FGA: variants seen among roughly 807,000 people sequenced by gnomAD.
The protein encoded by FGA is fibrinogen, A alpha polypeptide.
Under a neutral mutation model 20.3 loss-of-function variants are expected in FGA, and 20 were observed. The observed-to-expected ratio is 0.99, with a 90% CI of 0.69 to 1.43. The LOEUF (loss-of-function observed/expected upper bound fraction) is 1.43, where lower values mean the gene tolerates loss of function less well. FGA is among the 40% of genes most tolerant of loss of function. The pLI is 0.00. For missense variants in FGA, 777 were observed against 784.7 expected (o/e 0.99, Z 0.12); for synonymous variants, 306 against 281.6 (o/e 1.09, Z -0.87).
rs373577582 is a variant in FGA, at chr4:154,586,130, C to T, written c.1299G>A (p.Leu433=). 2 of 1,614,028 alleles carry T rather than the reference C, an allele frequency of 1.2e-6. No homozygotes were observed. The highest frequency in any genetic ancestry group is 2.7e-5 in the African/African-American group (2 of 74,922). The stretch of plus-strand genomic sequence containing the variant: ...GCTCTTTATCTCCTTTAGAAGTGAC[C>T]AGTTTTTCTGTGTGGTACTCTCTCC... ...GTRREYHTEK[L]VTSKGDKELR... is the part of the protein sequence containing the mutation. Residue 433 remains leucine, a synonymous_variant, in exon 5 of 5, where the codon CTG becomes CTA. Transcript: ENST00000403106.
chr4:154,588,661 A>G, intron 3 of FGA, 132 bp downstream of exon 3: 1 of 700,948 alleles, frequency 1.4e-6, no homozygotes, highest in Non-Finnish European at 2.5e-6. Flanking sequence ...TTTCAGGGAT[A>G]TTATGAAGGT....
At position 154,586,806 on chromosome 4, in the gene FGA, A is replaced by G; in HGVS notation, c.623T>C (p.Ile208Thr). ...TCTAGAGGGAAGTAAGTCTTTGGCA[A>G]TGACCTGTTCAAGTTGCTTCTGCTG... ...EDQQKQLEQVIAKDLLPSRDR... is the reference protein window; with the variant it reads ...EDQQKQLEQVTAKDLLPSRDR... Residue 208 changes from isoleucine (I) to threonine (T), a missense_variant, in exon 5 of 5, where the codon ATT (isoleucine) becomes ACT (threonine). By Grantham distance (89) the Ile-to-Thr change is moderately conservative. Transcript: ENST00000403106. 2 of 1,614,178 alleles carry G rather than the reference A, an allele frequency of 1.2e-6. No homozygotes were observed. The highest frequency in any genetic ancestry group is 1.7e-6 in the Non-Finnish European group (2 of 1,180,036).
intron 1 of FGA, 127 bp downstream of exon 1, chr4:154,590,507 C>T (rs2110822038): frequency 1.2e-6 from 1 of 818,424 alleles, no homozygotes; most frequent in Non-Finnish European, 2.1e-6. Context: ...AGGAAATTTC[C>T]TCCCAGGCCT....
chr4:154,588,863 G>A lies in FGA; in HGVS notation c.294C>T (p.Asn98=), dbSNP rs1730800631. Residue 98 remains asparagine, a synonymous_variant, in exon 3 of 5, where the codon AAC becomes AAT. Transcript: ENST00000403106. The part of the protein sequence containing the change: ...LKNSLFEYQK[N]NKDSHSLTTN... ...TGGTCAACGAATGAGAATCCTTATT[G>A]TTCTTCTGATATTCAAATAGTGAAT... 6.2e-7 allele frequency: 1 copy of A among 1,611,760 alleles called. No homozygotes were observed. Among genetic ancestry groups the A allele is most frequent in the African/African-American group, 1.3e-5 (1 of 74,936 alleles).
At position 154,586,065 on chromosome 4, in the gene FGA, G is replaced by C. The variant is rs1578795492; in HGVS notation, c.1364C>G (p.Thr455Ser). Reference protein sequence around the residue: ...GKEKVTSGSTTTTRRSCSKTV... With the variant: ...GKEKVTSGSTSTTRRSCSKTV... The stretch of plus-strand genomic sequence containing the variant: ...TTTAGAGCATGAACGACGCGTGGTG[G>C]TTGTGCTACCAGAGGTGACCTTCTC... Residue 455 changes from threonine to serine, a missense_variant, in exon 5 of 5, where the codon ACC becomes AGC. Coordinates refer to ENST00000403106, the MANE Select transcript of FGA (RefSeq NM_021871.4). 6.2e-7 allele frequency: 1 copy of C among 1,614,160 alleles called. No homozygotes were observed. Among genetic ancestry groups the C allele is most frequent in the Non-Finnish European group, 8.5e-7 (1 of 1,180,012 alleles).
Position 154,588,965 on chromosome 4 carries a change from G to A in FGA, c.192C>T (p.Cys64=). 6.2e-7 allele frequency: 1 copy of A among 1,612,870 alleles called. No individual in the cohort carries two copies. Residue 64 remains cysteine (C), a synonymous_variant, in exon 3 of 5, where the codon TGC becomes TGT. Transcript: ENST00000403106. ...ACCCTTTCATCCTGCAGCCAGAAGGGCATTTGTAGTTCTGAAAGTGAAGGG... is the reference window on the plus strand; with the variant it reads ...ACCCTTTCATCCTGCAGCCAGAAGGACATTTGTAGTTCTGAAAGTGAAGGG... The part of the protein sequence containing the change: ...FCSDEDWNYK[C]PSGCRMKGLI...
downstream of FGA, chr4:154,583,530 T>C (rs910193280): frequency 1.3e-5 from 2 of 152,298 alleles, no homozygotes; most frequent in African/African-American, 4.8e-5. Flanking sequence ...CAACGTCTAG[T>C]GGAAGAGTTT....
At chr4:154,583,529 G>C (rs1730636077), downstream of FGA, 1 of 152,262 alleles carries the variant, frequency 6.6e-6, no homozygotes, top group African/African-American at 2.4e-5. Flanking sequence ...ACAACGTCTA[G>C]TGGAAGAGTT....
chr4:154,590,609 G>T, intron 1 of FGA, 25 bp downstream of exon 1: 1 of 1,542,438 alleles, frequency 6.5e-7, no homozygotes, highest in Non-Finnish European at 8.8e-7. Flanking sequence ...GAGAAAGCAA[G>T]AAGAAAAAAT....
At position 154,587,505 on chromosome 4, in the gene FGA, T is replaced by C. The variant is rs1313001210; in HGVS notation, c.510+7A>G. On this transcript the variant is annotated splice_region_variant and intron_variant, in intron 4 of 4. Transcript: ENST00000403106. ...AAGGACATCTGGGACCACAGCCACA[T>C]ACTTACCTCCAGTCGTTTCATATCA... The C allele has an allele frequency of 5.0e-6, 8 of 1,613,744 alleles. No homozygotes were observed. Among genetic ancestry groups the C allele is most frequent in the Non-Finnish European group, 5.9e-6 (7 of 1,179,742 alleles).
rs777049670 is a variant in FGA at position 154,586,580 on chromosome 4, C to A, written c.849G>T (p.Thr283=). ...CACTGCTAGGGTTCCTGGGGCTTTC[C>A]GTCTCTGATCCGGTTCCATAAGAGG... The part of the protein sequence containing the change: ...GSTSYGTGSE[T]ESPRNPSSAG... Residue 283 remains threonine, a synonymous_variant, in exon 5 of 5, where the codon ACG becomes ACT. Transcript: ENST00000403106. 1.2e-6 allele frequency: 2 copies of A among 1,613,968 alleles called. No homozygotes were observed. Among genetic ancestry groups the A allele is most frequent in the South Asian group, 1.1e-5 (1 of 91,072 alleles).
At chr4:154,584,964 C>G, downstream of FGA, 1 of 813,648 alleles carries the variant, frequency 1.2e-6, no homozygotes, top group Non-Finnish European at 2.0e-6. Context: ...TTCCTTCCCT[C>G]CATAGGGAAA....
chr4:154,587,798 AGAAAGAGAAAAAAG>A, intron 3 of FGA, 141 bp from the exon 4 acceptor site: 6 of 749,648 alleles, frequency 8.0e-6, no homozygotes, highest in South Asian at 1.6e-5. Context: ...AAAGAAAGAA[AGAAAGAGAAAAAAG>A]AAAGAAAGAA....
In FGA at chr4:154,586,267, A is replaced by G. The variant is rs1465641292; in HGVS notation, c.1162T>C (p.Ser388Pro). ...TCTGGCCTAAAACTTCCAGATTCAG[A>G]GTGCCATTGTCCAGTACTACCAGAT... is the stretch of plus-strand genomic sequence containing the variant. The part of the protein sequence containing the change: ...SVSGSTGQWH[S>P]ESGSFRPDSP... The change falls in exon 5 of 5, where the codon TCT becomes CCT. Residue 388 changes from serine (S) to proline (P), a missense_variant. Coordinates refer to ENST00000403106, the MANE Select transcript of FGA (RefSeq NM_021871.4). 1 of 1,614,080 alleles carries G rather than the reference A, an allele frequency of 6.2e-7. No individual in the cohort carries two copies. The highest frequency in any genetic ancestry group is 8.5e-7 in the Non-Finnish European group (1 of 1,179,962).
rs1553964332 is a variant in FGA, at chr4:154,587,745, G to GAGAAAGAAACAAAGAA, written c.365-89_365-88insTTCTTTGTTTCTTTCT. 7.6e-4 allele frequency: 399 copies of GAGAAAGAAACAAAGAA among 524,218 alleles called. 2 individuals carry two copies. Among genetic ancestry groups the GAGAAAGAAACAAAGAA allele is most frequent in the Non-Finnish European group, 1.0e-3 (311 of 302,064 alleles). 32.5% of individuals were successfully genotyped at this position (524,218 alleles called of 1,614,324 possible). ...AAAAGAAAGGAAGAAAGGAAGGAAGGAGAAAGAAAGAAAGAAAGAAAGAAA... is the reference window on the plus strand; with the variant it reads ...AAAAGAAAGGAAGAAAGGAAGGAAGGAGAAAGAAACAAAGAAAGAAAGAAAGAAAGAAAGAAAGAAA... On this transcript the variant is annotated intron_variant, in intron 3 of 4. Transcript: ENST00000403106.
downstream of FGA, chr4:154,584,735 C>A (rs746940107): frequency 3.1e-6 from 5 of 1,613,840 alleles, no homozygotes; most frequent in Non-Finnish European, 4.2e-6. Context: ...GTCTCTTGAT[C>A]GCAATAAACA....
At chr4:154,588,129 A>G (rs557666515) in intron 3 of FGA, among the ~76,000 whole-genome samples, 4 of 152,352 alleles carry the variant, frequency 2.6e-5, no homozygotes, top group East Asian at 1.9e-4. Context: ...TTTTTAATCT[A>G]TAGATTTGAA....
chr4:154,589,040 G>GGAAACATGCAAAA, intron 2 of FGA, 64 bp from the exon 3 acceptor site: 3 of 1,409,750 alleles, frequency 2.1e-6, no homozygotes, highest in Non-Finnish European at 3.0e-6. Context: ...AATTTTGCAT[G>GGAAACATGCAAAA]TTTCCATGCA....
At chr4:154,583,963 A>T, downstream of FGA, 1 of 650,070 alleles carries the variant, frequency 1.5e-6, no homozygotes, top group Non-Finnish European at 2.7e-6. Flanking sequence ...TTTTTCAAAG[A>T]CTAATATGTC....
Sources: allele counts gnomAD v4.1 joint callset (sites outside exome capture counted in the v4.1 genomes callset), GRCh38; gene constraint gnomAD v4.1.1; transcripts MANE v1.5; gene names NCBI Gene and HGNC (gene_info 2026-07-23, HGNC 2026-07-21).